The following SKAP1 variants were observed in gnomAD, a reference collection of about 807,000 sequenced individuals.
The protein encoded by SKAP1 is src kinase associated phosphoprotein 1.
In SKAP1, 44 loss-of-function variants were observed where a neutral mutation model predicts 58.5. The ratio of observed to expected loss-of-function variants is 0.75; its 90% CI spans 0.59 to 0.97. SKAP1 has a LOEUF of 0.97. Ranked by LOEUF, SKAP1 falls within the 50% of genes least tolerant of loss-of-function variation. The pLI is 0.00. For missense variants in SKAP1, 390 were observed against 435.2 expected (o/e 0.90, Z 0.92); for synonymous variants, 127 against 149.7 (o/e 0.85, Z 1.11).
chr17:48,302,114 A>G (rs2066066302), intron 4 of SKAP1, among the ~76,000 whole-genome samples: 1 of 152,216 alleles, frequency 6.6e-6, no homozygotes, highest in Admixed American at 6.5e-5. Context: ...AAACATGCTA[A>G]TTAGCCAAAC....
intron 11 of SKAP1, among the ~76,000 whole-genome samples, chr17:48,144,543 CCCT>C (rs1393793833): frequency 2.0e-5 from 3 of 152,096 alleles, no homozygotes; most frequent in Non-Finnish European, 2.9e-5. Context: ...CATGTTTAAG[CCCT>C]CGTTTCCAAG....
chr17:48,317,568 T>A (rs979218423), intron 4 of SKAP1, among the ~76,000 whole-genome samples: 5 of 152,220 alleles, frequency 3.3e-5, no homozygotes, highest in Non-Finnish European at 7.3e-5. Flanking sequence ...TATACTTGGA[T>A]ATGAATAATT....
chr17:48,133,964 C>T lies in SKAP1; in HGVS notation c.*8-148G>A, dbSNP rs966705992. 3 of 152,218 alleles carry T rather than the reference C, an allele frequency of 2.0e-5. No individual in the cohort carries two copies. The East Asian group carries it at 5.8e-4, about 29-fold the overall frequency. 9.4% of individuals were successfully genotyped at this position (152,218 alleles called of 1,614,324 possible). A position where few individuals can be genotyped will look rare whatever the true frequency, so the allele number is the denominator to read the frequency against. ...CATGTTATCATTTCATGTCTCCCTC[C>T]AGAAATATCCCATACAAATATAAAC... On this transcript the variant is annotated intron_variant, in intron 12 of 12. Coordinates refer to ENST00000336915, the MANE Select transcript of SKAP1 (RefSeq NM_003726.4).
intron 1 of SKAP1, among the ~76,000 whole-genome samples, chr17:48,402,137 T>C (rs1277996292): frequency 2.6e-5 from 4 of 152,132 alleles, no homozygotes; most frequent in Admixed American, 6.5e-5. Context: ...GTTGAAAATG[T>C]AGAAAAATTG....
intron 4 of SKAP1, among the ~76,000 whole-genome samples, chr17:48,298,779 T>C (rs747508662): frequency 7.9e-5 from 12 of 152,196 alleles, no homozygotes; most frequent in Non-Finnish European, 1.5e-4. Flanking sequence ...CTCTTTTTCT[T>C]AAATCTAATT....
intron 11 of SKAP1, among the ~76,000 whole-genome samples, chr17:48,148,329 A>G (rs866102213): frequency 2.6e-5 from 4 of 152,358 alleles, no homozygotes; most frequent in Middle Eastern, 3.4e-3. Flanking sequence ...CTTTACCTAA[A>G]GAAGAAAGAA....
chr17:48,198,813 A>G (rs1489803212), intron 4 of SKAP1, among the ~76,000 whole-genome samples: 6 of 152,204 alleles, frequency 3.9e-5, no homozygotes, highest in African/African-American at 1.4e-4. Context: ...CTTAATATAG[A>G]ACCGCAAAAG....
intron 9 of SKAP1, among the ~76,000 whole-genome samples, chr17:48,177,718 A>G (rs1463337246): frequency 6.6e-6 from 1 of 152,138 alleles, no homozygotes; most frequent in Non-Finnish European, 1.5e-5. Flanking sequence ...AGTGGAGTGG[A>G]CAGGAAGCTG....
chr17:48,335,266 C>T (rs1449277156), intron 4 of SKAP1, among the ~76,000 whole-genome samples: 1 of 151,892 alleles, frequency 6.6e-6, no homozygotes, highest in Non-Finnish European at 1.5e-5. Context: ...AACCATTACT[C>T]AAGTTTCTGA....
intron 10 of SKAP1, chr17:48,162,794 T>A (rs1156493863): frequency 2.8e-6 from 1 of 358,056 alleles, no homozygotes; most frequent in East Asian, 4.4e-5. Context: ...CCTAGTAGGA[T>A]GCCGTTCAAC....
intron 4 of SKAP1, among the ~76,000 whole-genome samples, chr17:48,291,833 T>G (rs915982644): frequency 1.3e-5 from 2 of 152,216 alleles, no homozygotes; most frequent in African/African-American, 4.8e-5. Context: ...GATATCCCTT[T>G]GTAATTCAGT....
chr17:48,221,015 T>G (rs932831872), intron 4 of SKAP1, among the ~76,000 whole-genome samples: 5 of 151,996 alleles, frequency 3.3e-5, no homozygotes, highest in Admixed American at 6.6e-5. Context: ...ACGCCTGTAA[T>G]CCCAGTACTT....
At chr17:48,322,909 A>C (rs1316967652) in intron 4 of SKAP1, among the ~76,000 whole-genome samples, 1 of 152,174 alleles carries the variant, frequency 6.6e-6, no homozygotes, top group Non-Finnish European at 1.5e-5. Context: ...CAGCCTGGCC[A>C]ACATGGTGAA....
chr17:48,376,527 AT>A (rs2067152581), intron 2 of SKAP1, among the ~76,000 whole-genome samples: 2 of 152,232 alleles, frequency 1.3e-5, no homozygotes, highest in African/African-American at 4.8e-5. Context: ...TGTTATGAAC[AT>A]GGACATATTA....
chr17:48,347,314 G>A (rs996192593), intron 3 of SKAP1, among the ~76,000 whole-genome samples: 4 of 152,168 alleles, frequency 2.6e-5, no homozygotes, highest in African/African-American at 9.7e-5. Flanking sequence ...AGTAAATACT[G>A]TAGAGTTTTG....
chr17:48,233,534 T>TAGTCCCAGCTACTCG (rs1567831319), intron 4 of SKAP1, among the ~76,000 whole-genome samples: 2 of 151,880 alleles, frequency 1.3e-5, no homozygotes, highest in African/African-American at 4.9e-5. Context: ...AAAATTTTAC[T>TAGTCCCAGCTACTCG]GTACTAATTG....
chr17:48,204,873 T>G (rs1331507688), intron 4 of SKAP1, among the ~76,000 whole-genome samples: 1 of 152,172 alleles, frequency 6.6e-6, no homozygotes, highest in African/African-American at 2.4e-5. Flanking sequence ...GACCAACTAC[T>G]AAAATGTTGC....
At chr17:48,230,900 A>G (rs2065119130) in intron 4 of SKAP1, among the ~76,000 whole-genome samples, 1 of 152,248 alleles carries the variant, frequency 6.6e-6, no homozygotes, top group Non-Finnish European at 1.5e-5. Flanking sequence ...GCACAGTTGC[A>G]TAAAAAAGAT....
intron 3 of SKAP1, among the ~76,000 whole-genome samples, chr17:48,348,818 C>A (rs1036336536): frequency 2.0e-5 from 3 of 152,174 alleles, no homozygotes; most frequent in African/African-American, 7.2e-5. Flanking sequence ...AGTATAGTCA[C>A]CCAAGGTGTG....
Sources: allele counts gnomAD v4.1 joint callset (sites outside exome capture counted in the v4.1 genomes callset), GRCh38; gene constraint gnomAD v4.1.1; transcripts MANE v1.5; gene names NCBI Gene and HGNC (gene_info 2026-07-23, HGNC 2026-07-21).